NBEAL1: variants seen among roughly 807,000 people sequenced by gnomAD.
NBEAL1 encodes the protein neurobeachin like 1.
In NBEAL1, 273 loss-of-function variants were observed where a neutral mutation model predicts 351.3. The ratio of observed to expected loss-of-function variants is 0.78; its 90% CI spans 0.70 to 0.86. NBEAL1 has a LOEUF of 0.86. Ranked by LOEUF, NBEAL1 falls within the 40% of genes least tolerant of loss-of-function variation. NBEAL1 has a pLI of 0.00. For missense variants in NBEAL1, 2,961 were observed against 3,201.3 expected (o/e 0.92, Z 1.81); for synonymous variants, 1,050 against 1,086.4 (o/e 0.97, Z 0.66).
intron 12 of NBEAL1, among the ~76,000 whole-genome samples, chr2:203,100,763 G>A (rs1489498533): frequency 6.6e-6 from 1 of 151,978 alleles, no homozygotes; most frequent in East Asian, 1.9e-4. Flanking sequence ...GGCCAGGCTG[G>A]TCTTGAACTC....
chr2:203,099,263 C>T (rs537177802), intron 11 of NBEAL1, among the ~76,000 whole-genome samples: 39 of 145,380 alleles, frequency 2.7e-4, no homozygotes, highest in Admixed American at 9.1e-4. Flanking sequence ...GCAACAAGAA[C>T]GAAACTCCAT....
intron 24 of NBEAL1, among the ~76,000 whole-genome samples, chr2:203,129,698 T>C (rs553251497): frequency 2.0e-5 from 3 of 152,076 alleles, no homozygotes; most frequent in East Asian, 3.9e-4. Context: ...CAAAGAAGAG[T>C]ATGACAATAT....
At chr2:203,077,994 A>C (rs1246728494) in intron 8 of NBEAL1, among the ~76,000 whole-genome samples, 157 bp downstream of exon 8, 1 of 152,198 alleles carries the variant, frequency 6.6e-6, no homozygotes, top group Non-Finnish European at 1.5e-5. Flanking sequence ...TATTTTCCAA[A>C]AAACCTAAGT....
intron 48 of NBEAL1, 29 bp from the exon 49 acceptor site, chr2:203,199,309 A>C (rs768864255): frequency 7.9e-7 from 1 of 1,268,792 alleles, no homozygotes; most frequent in Non-Finnish European, 1.1e-6. Context: ...TATTTCATTT[A>C]ATTTGAGTCT....
intron 35 of NBEAL1, among the ~76,000 whole-genome samples, chr2:203,153,536 T>C (rs1238299711): frequency 6.6e-6 from 1 of 152,068 alleles, no homozygotes; most frequent in East Asian, 1.9e-4. Context: ...CCATTTAGAG[T>C]CTTACATTTT....
At chr2:203,118,889 T>A (rs2062759973) in intron 18 of NBEAL1, among the ~76,000 whole-genome samples, 1 of 152,080 alleles carries the variant, frequency 6.6e-6, no homozygotes, top group Admixed American at 6.5e-5. Context: ...GCACTGGGCC[T>A]GACTGGTCTT....
At chr2:203,133,878 G>T (rs2063135977) in intron 27 of NBEAL1, among the ~76,000 whole-genome samples, 1 of 151,492 alleles carries the variant, frequency 6.6e-6, no homozygotes, top group Non-Finnish European at 1.5e-5. Context: ...TCTCTTTAAT[G>T]GAAATGCATA....
chr2:203,058,232 A>G (rs184586191), intron 6 of NBEAL1, among the ~76,000 whole-genome samples: 10 of 152,178 alleles, frequency 6.6e-5, no homozygotes, highest in African/African-American at 1.2e-4. Context: ...AGATCTCACT[A>G]TGTTGCCCAG....
At chr2:203,099,271 C>T (rs1013730026) in intron 11 of NBEAL1, among the ~76,000 whole-genome samples, 2 of 145,022 alleles carry the variant, frequency 1.4e-5, no homozygotes, top group Admixed American at 6.9e-5. Context: ...AACGAAACTC[C>T]ATCTCAAAAA....
chr2:203,219,500 C>G lies in NBEAL1; in HGVS notation c.*2146C>G, dbSNP rs1290422405. On this transcript the variant is annotated 3_prime_UTR_variant, in exon 56 of 56. Transcript: ENST00000683969. ...CAATAAAATAGATATCCTACCTGGA[C>G]TAATACTAGATGTACAAGGTAGTGG... 2 of 151,846 alleles carry G rather than the reference C, an allele frequency of 1.3e-5. No homozygotes were observed. The highest frequency in any genetic ancestry group is 4.8e-5 in the African/African-American group (2 of 41,292). 9.4% of individuals were successfully genotyped at this position (151,846 alleles called of 1,614,324 possible).
intron 33 of NBEAL1, among the ~76,000 whole-genome samples, chr2:203,146,198 A>G (rs902063221): frequency 8.5e-5 from 13 of 152,158 alleles, no homozygotes; most frequent in Admixed American, 7.9e-4. Context: ...TTCAAGAATA[A>G]GTATATAACC....
In NBEAL1 at chr2:203,131,961, TGTC is replaced by T. The variant is rs776200428; in HGVS notation, c.3565-9_3565-7del. ...TTTTCTATATTGAGAATATATTACT[TGTC>T]GTGACCAGATTATGGAACAAATGTT... is the stretch of plus-strand genomic sequence containing the variant. On this transcript the variant is annotated splice_polypyrimidine_tract_variant and intron_variant, in intron 25 of 55. Coordinates refer to ENST00000683969, the MANE Select transcript of NBEAL1 (RefSeq NM_001378026.1). The T allele has an allele frequency of 6.6e-7, 1 of 1,511,874 alleles. No homozygotes were observed. The highest frequency in any genetic ancestry group is 1.3e-5 in the South Asian group (1 of 75,896). The allele number at this position is 1,511,874 out of a possible 1,614,324, so 93.7% of individuals were successfully genotyped here.
intron 46 of NBEAL1, among the ~76,000 whole-genome samples, chr2:203,192,147 T>C (rs2065107925): frequency 6.6e-6 from 1 of 152,200 alleles, no homozygotes; most frequent in Non-Finnish European, 1.5e-5. Context: ...TTTTACAGAA[T>C]AGTCATATGT....
intron 2 of NBEAL1, among the ~76,000 whole-genome samples, chr2:203,031,431 A>AT (rs1483790243): frequency 1.3e-5 from 2 of 152,206 alleles, no homozygotes; most frequent in African/African-American, 4.8e-5. Flanking sequence ...TAATCACAGT[A>AT]TAATTTTTTG....
chr2:203,053,060 A>G (rs772837937), intron 4 of NBEAL1, among the ~76,000 whole-genome samples: 9 of 152,176 alleles, frequency 5.9e-5, no homozygotes, highest in Non-Finnish European at 1.3e-4. Flanking sequence ...CAGATTTTGC[A>G]TACACATAAG....
In NBEAL1 at chr2:203,126,681, G is replaced by A. The variant is rs747336734; in HGVS notation, c.3110G>A (p.Arg1037His). Residue 1037 changes from arginine (R) to histidine (H), a missense_variant, in exon 22 of 56, where the codon CGT (arginine) becomes CAT (histidine). By Grantham distance (29) the Arg-to-His change is conservative (BLOSUM62 0). Coordinates refer to ENST00000683969, the MANE Select transcript of NBEAL1 (RefSeq NM_001378026.1). ...QMYQYLLFDF[R>H]IWNRGDFPFR... ...TATCAATATTTACTCTTTGACTTTC[G>A]TATTTGGAACCGTGGAGATTTTCCC... 1.6e-5 allele frequency: 24 copies of A among 1,519,038 alleles called. No homozygotes were observed. The East Asian group carries it at 4.4e-4, about 28-fold the overall frequency. The allele number at this position is 1,519,038 out of a possible 1,614,324, so 94.1% of individuals were successfully genotyped here.
At chr2:203,145,813 A>AG (rs2063497678) in intron 33 of NBEAL1, among the ~76,000 whole-genome samples, 1 of 151,246 alleles carries the variant, frequency 6.6e-6, no homozygotes, top group Non-Finnish European at 1.5e-5. Flanking sequence ...AAAAAAAAAA[A>AG]AAAGAAAGAA....
At chr2:203,023,191 A>T (rs2060796699) in intron 2 of NBEAL1, among the ~76,000 whole-genome samples, 1 of 152,226 alleles carries the variant, frequency 6.6e-6, no homozygotes, top group East Asian at 1.9e-4. Flanking sequence ...TTTTAGTAAG[A>T]TGGACCAATA....
intron 7 of NBEAL1, 115 bp downstream of exon 7, chr2:203,068,590 G>C: frequency 1.8e-6 from 1 of 542,562 alleles, no homozygotes; most frequent in Non-Finnish European, 3.2e-6. Flanking sequence ...AATAATGGTT[G>C]TAAGAACATG....
Sources: allele counts gnomAD v4.1 joint callset (sites outside exome capture counted in the v4.1 genomes callset), GRCh38; gene constraint gnomAD v4.1.1; transcripts MANE v1.5; gene names NCBI Gene and HGNC (gene_info 2026-07-23, HGNC 2026-07-21).